Variants in GLS2 observed in about 807,000 individuals in gnomAD.
GLS2 encodes glutaminase 2.
Under a neutral mutation model 79.0 loss-of-function variants are expected in GLS2, and 52 were observed. The observed-to-expected ratio is 0.66, with a 90% CI of 0.53 to 0.83. The LOEUF (loss-of-function observed/expected upper bound fraction) is 0.83, where lower values mean the gene tolerates loss of function less well. GLS2 is among the 40% of genes least tolerant of loss of function. The pLI is 0.00. For missense variants in GLS2, 561 were observed against 764.8 expected (o/e 0.73, Z 3.14); for synonymous variants, 238 against 280.8 (o/e 0.85, Z 1.52).
Position 56,474,722 on chromosome 12 carries a change from T to C in GLS2, c.1048-2A>G. 1 of 1,608,664 alleles carries C rather than the reference T, an allele frequency of 6.2e-7. No homozygotes were observed. The highest frequency in any genetic ancestry group is 8.5e-7 in the Non-Finnish European group (1 of 1,176,468). Reference sequence around the variant, plus strand: ...ACAAGTGACCTCCACAGAACACAGCTATGAAAACAAAGAATAGGTGAAGAT... The same window carrying C: ...ACAAGTGACCTCCACAGAACACAGCCATGAAAACAAAGAATAGGTGAAGAT... On this transcript the variant is annotated splice_acceptor_variant, in intron 11 of 17. Coordinates refer to ENST00000311966, the MANE Select transcript of GLS2 (RefSeq NM_013267.4). LOFTEE classifies it high-confidence loss of function.
rs1565702113 is a variant in GLS2 at position 56,474,097 on chromosome 12, TTTC to T, written c.1224+444_1224+446del. ...CTCTGGTTGTTTTTCTTTTTCTTTT[TTTC>T]TTTTTTTTTGAGATGGAGTTTTGCT... On this transcript the variant is annotated intron_variant, in intron 12 of 17. Transcript: ENST00000311966. The T allele has an allele frequency of 3.4e-3, 324 of 96,338 alleles. 1 individual carries two copies. The highest frequency in any genetic ancestry group is 0.011 in the South Asian group (49 of 4,280). The allele number at this position is 96,338 out of a possible 1,614,324, so 6.0% of individuals were successfully genotyped here.
At chr12:56,476,905 T>TA (rs1292900374) in intron 7 of GLS2, 3 of 152,100 alleles carry the variant, frequency 2.0e-5, no homozygotes, top group African/African-American at 7.2e-5. Context: ...CTATATTTTT[T>TA]AAAAAAGGTC....
At chr12:56,472,005 T>C in intron 16 of GLS2, 114 bp downstream of exon 16, 2 of 1,323,670 alleles carry the variant, frequency 1.5e-6, no homozygotes, top group Non-Finnish European at 2.2e-6. Flanking sequence ...GGTGTCTAGA[T>C]AAAACTAGTT....
intron 1 of GLS2, among the ~76,000 whole-genome samples, chr12:56,484,706 T>C (rs1013149481): frequency 6.6e-6 from 1 of 152,074 alleles, no homozygotes; most frequent in Non-Finnish European, 1.5e-5. Flanking sequence ...ATCACAAGCC[T>C]AAAAAAACTG....
At chr12:56,482,614 G>A (rs1364078211) in intron 1 of GLS2, among the ~76,000 whole-genome samples, 3 of 152,234 alleles carry the variant, frequency 2.0e-5, no homozygotes, top group Non-Finnish European at 4.4e-5. Context: ...AGCACACAGT[G>A]GGTCTTCGAT....
intron 8 of GLS2, 127 bp downstream of exon 8, chr12:56,475,818 C>A: frequency 2.1e-6 from 3 of 1,408,758 alleles, no homozygotes; most frequent in Non-Finnish European, 3.0e-6. Context: ...TTCCACATTT[C>A]TGGAAATAAG....
In GLS2 at chr12:56,488,119, GC is replaced by G; in HGVS notation, c.-2del. On this transcript the variant is annotated 5_prime_UTR_variant, in exon 1 of 18. Transcript: ENST00000311966. ...TCTGCAGAGCCTTCATGGAGCGCAT[GC>G]CCCAGCAAGCCTCCGGCTCTGCAGG... The G allele has an allele frequency of 6.5e-7, 1 of 1,532,886 alleles. No homozygotes were observed. The highest frequency in any genetic ancestry group is 8.7e-7 in the Non-Finnish European group (1 of 1,147,730). 95.0% of individuals were successfully genotyped at this position (1,532,886 alleles called of 1,614,324 possible).
At chr12:56,478,297 T>C in intron 4 of GLS2, 35 bp from the exon 5 acceptor site, 1 of 1,599,648 alleles carries the variant, frequency 6.3e-7, no homozygotes, top group Non-Finnish European at 8.6e-7. Flanking sequence ...GGGAGATGGA[T>C]GTGGAGAAGA....
chr12:56,474,735 A>C lies in GLS2; in HGVS notation c.1048-15T>G. 6 of 1,608,794 alleles carry C rather than the reference A, an allele frequency of 3.7e-6. No homozygotes were observed. The highest frequency in any genetic ancestry group is 5.1e-6 in the Non-Finnish European group (6 of 1,176,488). The stretch of plus-strand genomic sequence containing the variant: ...ACAGAACACAGCTATGAAAACAAAG[A>C]ATAGGTGAAGATGTGACGTGAACCT... On this transcript the variant is annotated splice_polypyrimidine_tract_variant and intron_variant, in intron 11 of 17. Coordinates refer to ENST00000311966, the MANE Select transcript of GLS2 (RefSeq NM_013267.4).
At chr12:56,478,484 A>G (rs1028853802) in intron 4 of GLS2, 5 of 537,836 alleles carry the variant, frequency 9.3e-6, no homozygotes, top group Middle Eastern at 4.9e-4. Context: ...AGTAAAGCCA[A>G]TGGAAGTTAA....
At chr12:56,479,692 T>C (rs756304516) in intron 3 of GLS2, 88 bp downstream of exon 3, 2 of 1,439,164 alleles carry the variant, frequency 1.4e-6, no homozygotes, top group Non-Finnish European at 1.8e-6. Context: ...AATTGAACTA[T>C]ACAATTCCCA....
chr12:56,472,235 G>T, intron 15 of GLS2, 40 bp from the exon 16 acceptor site: 1 of 1,577,374 alleles, frequency 6.3e-7, no homozygotes, highest in South Asian at 1.1e-5. Context: ...GCCTAGATCA[G>T]ACTGGAATCA....
chr12:56,473,708 C>A (rs539281882), intron 12 of GLS2, 114 bp from the exon 13 acceptor site: 135 of 1,333,552 alleles, frequency 1.0e-4, no homozygotes, highest in Non-Finnish European at 1.3e-4. Flanking sequence ...CACAATCCAC[C>A]TCAACCTTTT....
intron 14 of GLS2, 24 bp downstream of exon 14, chr12:56,473,204 C>A (rs1171708433): frequency 2.5e-6 from 4 of 1,609,006 alleles, no homozygotes; most frequent in Non-Finnish European, 3.4e-6. Flanking sequence ...AATATTCTTA[C>A]AAGCCACCTG....
In GLS2 at chr12:56,488,060, C is replaced by T; in HGVS notation, c.59G>A (p.Arg20Gln). Reference protein sequence around the residue: ...ALSRAGSHCGRGGWGHPSRSP... With the variant: ...ALSRAGSHCGQGGWGHPSRSP... ...CCGGCTCGGGTGACCCCAGCCTCCT[C>T]GCCCGCAGTGACTGCCAGCCCGGCT... The change falls in exon 1 of 18, where the codon CGA becomes CAA. Residue 20 changes from arginine to glutamine, a missense_variant. By Grantham distance (43) the Arg-to-Gln change is conservative. Around this residue, in one of 4 missense-constraint regions of GLS2, gnomAD observed 161 missense variants for 167.8 expected, o/e 0.96. Coordinates refer to ENST00000311966, the MANE Select transcript of GLS2 (RefSeq NM_013267.4). The T allele has an allele frequency of 6.3e-7, 1 of 1,583,294 alleles. No individual in the cohort carries two copies. Among genetic ancestry groups the T allele is most frequent in the Non-Finnish European group, 8.5e-7 (1 of 1,171,694 alleles).
chr12:56,483,535 GATATA>G (rs1327458501), intron 1 of GLS2, among the ~76,000 whole-genome samples: 2 of 152,120 alleles, frequency 1.3e-5, no homozygotes, highest in Admixed American at 6.5e-5. Context: ...TTATCTCTAA[GATATA>G]ATATTAACTA....
intron 3 of GLS2, 146 bp downstream of exon 3, chr12:56,479,634 T>C: frequency 1.1e-6 from 1 of 931,756 alleles, no homozygotes; most frequent in Non-Finnish European, 1.5e-6. Flanking sequence ...ACTCTTATGA[T>C]GAGTATTCAT....
At chr12:56,478,371 AT>A in intron 4 of GLS2, 109 bp from the exon 5 acceptor site, 1 of 1,199,048 alleles carries the variant, frequency 8.3e-7, no homozygotes, top group Non-Finnish European at 1.2e-6. Flanking sequence ...TCTGTCTTCT[AT>A]AGGGCAGAGG....
In GLS2 at chr12:56,474,586, A is replaced by C. The variant is rs768030765; in HGVS notation, c.1182T>G (p.His394Gln). The change falls in exon 12 of 18, where the codon CAT becomes CAG. Residue 394 changes from histidine (H) to glutamine (Q), a missense_variant. His to Gln is a conservative substitution (Grantham distance 24). Transcript: ENST00000311966. ...EAVRNTLSLM[H>Q]SCGMYDFSGQ... ...CAGAGAAGTCATACATGCCGCAGGA[A>C]TGCATGAGGCTGAGGGTGTTGCGCA... The C allele has an allele frequency of 6.2e-7, 1 of 1,614,208 alleles. No homozygotes were observed.
Sources: allele counts gnomAD v4.1 joint callset (sites outside exome capture counted in the v4.1 genomes callset), GRCh38; gene constraint gnomAD v4.1.1; regional missense constraint gnomAD v4.1.1; transcripts MANE v1.5; gene names NCBI Gene and HGNC (gene_info 2026-07-23, HGNC 2026-07-21).